ADAMTS20: variants seen among roughly 807,000 people sequenced by gnomAD.
The protein encoded by ADAMTS20 is A disintegrin and metalloproteinase with thrombospondin motifs 20.
ADAMTS20 carries 225 observed loss-of-function variants against 260.1 expected under a neutral mutation model. That is an observed-to-expected ratio of 0.87 (90% confidence interval 0.78 to 0.97). The LOEUF (loss-of-function observed/expected upper bound fraction) is 0.97, where lower values mean the gene tolerates loss of function less well. Ranked by LOEUF, ADAMTS20 falls within the 50% of genes least tolerant of loss-of-function variation. The probability of loss-of-function intolerance (pLI) is 0.00; values close to 1 mark genes in which losing one functional copy is unlikely to be tolerated. For synonymous variants in ADAMTS20, 802 were observed against 769.5 expected (o/e 1.04, Z -0.70); for missense variants, 2,400 against 2,337.7 (o/e 1.03, Z -0.55).
rs756023412 is a variant in ADAMTS20 at position 43,428,280 on chromosome 12, T to A, written c.3906A>T (p.Ser1302=). 1.9e-6 allele frequency: 3 copies of A among 1,614,004 alleles called. No homozygotes were observed. Among genetic ancestry groups the A allele is most frequent in the Non-Finnish European group, 2.5e-6 (3 of 1,179,882 alleles). ...EDNENQVVHP[S]VRGNQWRTGP... The stretch of plus-strand genomic sequence containing the variant: ...CGGTTCTCCACTGGTTTCCTCTGAC[T>A]GATGGATGGACCACCTGATTTTCAT... Residue 1302 remains serine, a synonymous_variant, in exon 26 of 39, where the codon TCA becomes TCT. Coordinates refer to ENST00000389420, the MANE Select transcript of ADAMTS20 (RefSeq NM_025003.5).
chr12:43,464,894 G>A (rs1043573359), intron 9 of ADAMTS20, among the ~76,000 whole-genome samples, 162 bp from the exon 10 acceptor site: 4 of 151,954 alleles, frequency 2.6e-5, no homozygotes, highest in Admixed American at 6.6e-5. Context: ...AGCAATGTTC[G>A]TACACATAAG....
At chr12:43,523,708 A>C (rs531971080) in intron 3 of ADAMTS20, among the ~76,000 whole-genome samples, 7 of 152,206 alleles carry the variant, frequency 4.6e-5, no homozygotes, top group Non-Finnish European at 8.8e-5. Flanking sequence ...CAGTAGAGGA[A>C]GCTATGCTCT....
At chr12:43,495,228 T>C (rs1942660737) in intron 4 of ADAMTS20, among the ~76,000 whole-genome samples, 1 of 152,204 alleles carries the variant, frequency 6.6e-6, no homozygotes, top group African/African-American at 2.4e-5. Context: ...AATTAAAATA[T>C]ATTACTACAG....
intron 6 of ADAMTS20, 143 bp from the exon 7 acceptor site, chr12:43,490,578 A>T: frequency 2.2e-6 from 1 of 463,570 alleles, no homozygotes. Context: ...CCTCTCAAAA[A>T]GTCTAAACCT....
In ADAMTS20 at chr12:43,431,426, C is replaced by A; in HGVS notation, c.3167G>T (p.Ser1056Ile). Reference protein sequence around the residue: ...VWCQLNVDHLSDGFCNSSTKP... With the variant: ...VWCQLNVDHLIDGFCNSSTKP... ...GGTACTTGAATTACAGAAGCCATCA[C>A]TCAAGTGATCTACATTCAGCTGACA... Residue 1056 changes from serine (S) to isoleucine (I), a missense_variant, in exon 22 of 39, where the codon AGT becomes ATT. Ser to Ile is a moderately radical substitution (Grantham distance 142). Transcript: ENST00000389420. The A allele has an allele frequency of 6.2e-7, 1 of 1,613,974 alleles. No individual in the cohort carries two copies. The highest frequency in any genetic ancestry group is 8.5e-7 in the Non-Finnish European group (1 of 1,179,864).
intron 2 of ADAMTS20, among the ~76,000 whole-genome samples, chr12:43,544,279 A>G (rs1222272646): frequency 1.3e-5 from 2 of 152,228 alleles, no homozygotes; most frequent in Non-Finnish European, 2.9e-5. Flanking sequence ...TTTAACTAAA[A>G]TTGGTAAAGT....
intron 15 of ADAMTS20, among the ~76,000 whole-genome samples, chr12:43,446,248 A>C (rs1390969365): frequency 6.6e-6 from 1 of 152,160 alleles, no homozygotes; most frequent in Non-Finnish European, 1.5e-5. Flanking sequence ...AAAATCACAA[A>C]TATATACATT....
chr12:43,360,048 C>A lies in ADAMTS20; in HGVS notation c.5539-3460G>T, dbSNP rs369200304. On this transcript the variant is annotated intron_variant, in intron 37 of 38. Transcript: ENST00000389420. ...TTTAAAAGAAAGAAAAGACAAGGTTCGGACTAAAATGCCGTATCCAACAGA... is the reference window on the plus strand; with the variant it reads ...TTTAAAAGAAAGAAAAGACAAGGTTAGGACTAAAATGCCGTATCCAACAGA... 2.9e-4 allele frequency among the ~76,000 whole-genome samples: 44 copies of A among 152,126 alleles called. No homozygotes were observed. The East Asian group carries it at 8.1e-3, about 28-fold the overall frequency.
chr12:43,395,341 CAT>C (rs1352388745), intron 29 of ADAMTS20, among the ~76,000 whole-genome samples: 4 of 151,980 alleles, frequency 2.6e-5, no homozygotes, highest in Non-Finnish European at 5.9e-5. Context: ...AATTATAAAA[CAT>C]ATATGTATAT....
At chr12:43,546,700 G>A (rs755247069) in intron 2 of ADAMTS20, among the ~76,000 whole-genome samples, 1 of 152,194 alleles carries the variant, frequency 6.6e-6, no homozygotes, top group Non-Finnish European at 1.5e-5. Flanking sequence ...TACATGTTAT[G>A]AGATAGCCTA....
chr12:43,501,204 A>G (rs1351901051), intron 4 of ADAMTS20, among the ~76,000 whole-genome samples: 3 of 151,618 alleles, frequency 2.0e-5, no homozygotes, highest in Non-Finnish European at 4.4e-5. Context: ...GATTATAGGC[A>G]TTCACCACCA....
intron 3 of ADAMTS20, among the ~76,000 whole-genome samples, chr12:43,506,578 C>G (rs1055326176): frequency 6.6e-6 from 1 of 151,844 alleles, no homozygotes; most frequent in Non-Finnish European, 1.5e-5. Flanking sequence ...TTCTCGGCTT[C>G]AAGCAATTCT....
chr12:43,546,749 A>G (rs1375482924), intron 2 of ADAMTS20, among the ~76,000 whole-genome samples: 1 of 152,214 alleles, frequency 6.6e-6, no homozygotes, highest in Non-Finnish European at 1.5e-5. Context: ...TAGCCATTAC[A>G]TTACTTATAG....
rs1940236698 is a variant in ADAMTS20 at position 43,376,661 on chromosome 12, A to T, written c.4996-8T>A. On this transcript the variant is annotated splice_polypyrimidine_tract_variant and splice_region_variant and intron_variant, in intron 32 of 38. Transcript: ENST00000389420. ...TCCACAAGTCACTGAGCACTGTGAAAAGAGTAAAATTTGAAGGCAAACTAT... is the reference window on the plus strand; with the variant it reads ...TCCACAAGTCACTGAGCACTGTGAATAGAGTAAAATTTGAAGGCAAACTAT... 6.3e-7 allele frequency: 1 copy of T among 1,596,048 alleles called. No homozygotes were observed. Among genetic ancestry groups the T allele is most frequent in the Admixed American group, 1.8e-5 (1 of 54,580 alleles).
At chr12:43,499,653 C>T (rs1249692344) in intron 4 of ADAMTS20, among the ~76,000 whole-genome samples, 6 of 151,488 alleles carry the variant, frequency 4.0e-5, no homozygotes, top group Non-Finnish European at 2.9e-5. Context: ...TATAGGCACA[C>T]GCCACCATGC....
chr12:43,363,177 T>C (rs1436145006), intron 37 of ADAMTS20, among the ~76,000 whole-genome samples: 2 of 152,042 alleles, frequency 1.3e-5, no homozygotes, highest in Non-Finnish European at 2.9e-5. Context: ...ATTCTAATCA[T>C]GGTGAATGCA....
chr12:43,370,382 C>T (rs994330431), intron 36 of ADAMTS20, among the ~76,000 whole-genome samples: 4 of 152,160 alleles, frequency 2.6e-5, no homozygotes, highest in Non-Finnish European at 4.4e-5. Context: ...TATATTAGTG[C>T]CTGACACCAC....
At chr12:43,492,259 A>G (rs1226832786) in intron 6 of ADAMTS20, among the ~76,000 whole-genome samples, 2 of 152,010 alleles carry the variant, frequency 1.3e-5, no homozygotes, top group Admixed American at 1.3e-4. Flanking sequence ...GGGCGCCTGT[A>G]GTCCCAGCTA....
At chr12:43,471,190 G>C (rs936377813) in intron 7 of ADAMTS20, among the ~76,000 whole-genome samples, 2 of 152,292 alleles carry the variant, frequency 1.3e-5, no homozygotes, top group East Asian at 3.9e-4. Context: ...CAAGGGGTCA[G>C]GGAGTTCCCT....
Sources: allele counts gnomAD v4.1 joint callset (sites outside exome capture counted in the v4.1 genomes callset), GRCh38; gene constraint gnomAD v4.1.1; transcripts MANE v1.5; gene names NCBI Gene and HGNC (gene_info 2026-07-23, HGNC 2026-07-21).